STRN4: variants seen among roughly 807,000 people sequenced by gnomAD.
STRN4 encodes striatin-4.
Under a neutral mutation model 77.9 loss-of-function variants are expected in STRN4, and 27 were observed. The ratio of observed to expected loss-of-function variants is 0.35; its 90% confidence interval spans 0.26 to 0.48. STRN4 has a LOEUF of 0.48. Among genes scored for constraint, STRN4 ranks in the 20% least tolerant of loss-of-function variants. STRN4 has a pLI of 0.99. For missense variants in STRN4, 798 were observed against 1,049.7 expected (o/e 0.76, Z 3.31); for synonymous variants, 466 against 443.1 (o/e 1.05, Z -0.65).
In STRN4 at chr19:46,728,677, T is replaced by A; in HGVS notation, c.980A>T (p.Asp327Val). The A allele has an allele frequency of 1.2e-6, 2 of 1,614,048 alleles. 1 individual carries two copies. Among genetic ancestry groups the A allele is most frequent in the Non-Finnish European group, 1.7e-6 (2 of 1,179,960 alleles). Residue 327 changes from aspartate to valine, a missense_variant, in exon 7 of 18, where the codon GAT becomes GTT. Transcript: ENST00000263280. ...NEFDFLGSGE[D>V]GEGAPDPRRC... ...CCGAGGGTCTGGAGCCCCTTCCCCATCCTCTCCTGAGCCCAGGAAATCAAA... is the reference window on the plus strand; with the variant it reads ...CCGAGGGTCTGGAGCCCCTTCCCCAACCTCTCCTGAGCCCAGGAAATCAAA...
intron 5 of STRN4, chr19:46,732,368 A>G (rs2054273178): frequency 6.5e-6 from 1 of 152,710 alleles, no homozygotes; most frequent in Non-Finnish European, 1.5e-5. Flanking sequence ...CAAGGCCCTG[A>G]GTGGCTGACT....
chr19:46,738,126 G>A lies in STRN4; in HGVS notation c.460+38C>T, dbSNP rs1420085519. ...TTCTCCAGAACACTCAGCTTCTGCG[G>A]GAGGGTGCCGACAGTGCGAGCATCA... On this transcript the variant is annotated intron_variant, in intron 3 of 17. Coordinates refer to ENST00000263280, the MANE Select transcript of STRN4 (RefSeq NM_013403.3). This position sits in a 1 kb window ranked among gnomAD's most constrained non-coding sequence, Gnocchi z 4.5. 1 of 1,595,844 alleles carries A rather than the reference G, an allele frequency of 6.3e-7. No individual in the cohort carries two copies. Among genetic ancestry groups the A allele is most frequent in the African/African-American group, 1.3e-5 (1 of 74,514 alleles).
In STRN4 at chr19:46,741,661, C is replaced by T. The variant is rs556259629; in HGVS notation, c.283-2773G>A. ...TCTAGCCAGAGCCGCAGAGCATGCG[C>T]TCCCAAAACCTTCTGATACCTGGCA... On this transcript the variant is annotated intron_variant, in intron 1 of 17. Transcript: ENST00000263280. The surrounding 1 kb of genome is among the most constrained non-coding windows in gnomAD (Gnocchi z 4.9). Among the ~76,000 whole-genome samples the T allele has an allele frequency of 7.2e-5, 11 of 152,328 alleles. No individual in the cohort carries two copies. The South Asian group carries it at 1.5e-3, about 20-fold the overall frequency.
intron 14 of STRN4, 60 bp downstream of exon 14, chr19:46,722,750 A>G (rs1353649636): frequency 1.3e-6 from 2 of 1,596,956 alleles, no homozygotes; most frequent in African/African-American, 2.7e-5. Context: ...AAGCCCCAGG[A>G]GGAAGTGGGG....
At chr19:46,727,824 G>C (rs2054155358) in intron 8 of STRN4, 70 bp downstream of exon 8, 2 of 1,379,312 alleles carry the variant, frequency 1.5e-6, no homozygotes, top group East Asian at 2.3e-5. Context: ...CAGAAGCCCT[G>C]GGCTCAGCTC....
Position 46,742,708 on chromosome 19 carries a change from G to A in STRN4, c.282+3441C>T, listed in dbSNP as rs570169194. On this transcript the variant is annotated intron_variant, in intron 1 of 17. Transcript: ENST00000263280. Reference sequence around the variant, plus strand: ...CTCCCGAGTAGCTGGGACTACAGGCGCCCACCACCACGCCCGACTAATTTC... The same window carrying A: ...CTCCCGAGTAGCTGGGACTACAGGCACCCACCACCACGCCCGACTAATTTC... 2.6e-4 allele frequency among the ~76,000 whole-genome samples: 39 copies of A among 152,120 alleles called. No individual in the cohort carries two copies. In the East Asian group the frequency reaches 3.1e-3, roughly 12 times the overall value.
At position 46,728,023 on chromosome 19, in the gene STRN4, A is replaced by G. The variant is rs778824346; in HGVS notation, c.1040-16T>C. On this transcript the variant is annotated splice_polypyrimidine_tract_variant and intron_variant, in intron 7 of 17. Transcript: ENST00000263280. The stretch of plus-strand genomic sequence containing the variant: ...CGACGGCTTTCTGCAGGGTCGAGGC[A>G]TAGGGCCGGAGTCACCCAGCAGTTC... The G allele has an allele frequency of 5.6e-6, 9 of 1,610,756 alleles. No individual in the cohort carries two copies. In the Admixed American group the frequency reaches 1.5e-4, roughly 27 times the overall value.
In STRN4 at chr19:46,723,809, C is replaced by T. The variant is rs947402193; in HGVS notation, c.1595-525G>A. Among the ~76,000 whole-genome samples, 1 of 152,154 alleles carries T rather than the reference C, an allele frequency of 6.6e-6. No homozygotes were observed. The highest frequency in any genetic ancestry group is 1.5e-5 in the Non-Finnish European group (1 of 68,026). On this transcript the variant is annotated intron_variant, in intron 12 of 17. Transcript: ENST00000263280. The surrounding 1 kb of genome is among the most constrained non-coding windows in gnomAD (Gnocchi z 5.5). The stretch of plus-strand genomic sequence containing the variant: ...ACCAGCAGCTCTGGCCTGCTGACAC[C>T]GAAAGTGTGGTGGCTAATGTAGCTG...
Position 46,746,266 on chromosome 19 carries a change from C to A in STRN4, c.165G>T (p.Gly55=). The A allele has an allele frequency of 6.8e-7, 1 of 1,475,660 alleles. No homozygotes were observed. The allele number at this position is 1,475,660 out of a possible 1,614,324, so 91.4% of individuals were successfully genotyped here. ...GKGGGGGGSP[G]PTAGPEPLSL... The stretch of plus-strand genomic sequence containing the variant: ...TCAGGGGCTCCGGGCCCGCCGTGGG[C>A]CCGGGGCTGCCTCCGCCGCCGCCTC... Residue 55 remains glycine (G), a synonymous_variant, in exon 1 of 18, where the codon GGG becomes GGT. Transcript: ENST00000263280.
intron 3 of STRN4, among the ~76,000 whole-genome samples, chr19:46,737,425 T>G (rs1297241825): frequency 6.6e-6 from 1 of 152,224 alleles, no homozygotes; most frequent in Non-Finnish European, 1.5e-5. Flanking sequence ...GACCTGCCCT[T>G]GTGGAACTTC....
chr19:46,736,552 CAAAAA>C (rs777686904), intron 4 of STRN4: 171 of 48,918 alleles, frequency 3.5e-3, no homozygotes, highest in Middle Eastern at 0.023. Flanking sequence ...GCCACTGAGA[CAAAAA>C]AAAAAAAAAA....
intron 11 of STRN4, 85 bp from the exon 12 acceptor site, chr19:46,725,013 T>G: frequency 6.3e-7 from 1 of 1,579,576 alleles, no homozygotes. Context: ...CTACTAGCAT[T>G]CTTCAAGGAT....
chr19:46,730,853 C>T lies in STRN4; in HGVS notation c.758G>A (p.Gly253Asp). 1 of 1,611,684 alleles carries T rather than the reference C, an allele frequency of 6.2e-7. No homozygotes were observed. ...CACTGAGCCGCCCAAGCGCTCTTTG[C>T]CATCTTTGCCTGCCGCGTTCCTGCC... Reference protein sequence around the residue: ...QIKRNAAGKDGKERLGGSVLG... With the variant: ...QIKRNAAGKDDKERLGGSVLG... The change falls in exon 6 of 18, where the codon GGC becomes GAC. Residue 253 changes from glycine (G) to aspartate (D), a missense_variant. Gly to Asp is a moderately conservative substitution (Grantham distance 94). Coordinates refer to ENST00000263280, the MANE Select transcript of STRN4 (RefSeq NM_013403.3).
rs2053953737 is a variant in STRN4 at position 46,720,579 on chromosome 19, G to A, written c.*23C>T. The A allele has an allele frequency of 4.6e-6, 7 of 1,532,976 alleles. No individual in the cohort carries two copies. Among genetic ancestry groups the A allele is most frequent in the Non-Finnish European group, 6.2e-6 (7 of 1,135,524 alleles). The allele number at this position is 1,532,976 out of a possible 1,614,324, so 95.0% of individuals were successfully genotyped here. Reference sequence around the variant, plus strand: ...GCCCTACACCCCAGCCAGCGTGGCGGCCAGGGCAGGGCCAGGTGGGCATCA... The same window carrying A: ...GCCCTACACCCCAGCCAGCGTGGCGACCAGGGCAGGGCCAGGTGGGCATCA... On this transcript the variant is annotated 3_prime_UTR_variant, in exon 17 of 18. Coordinates refer to ENST00000263280, the MANE Select transcript of STRN4 (RefSeq NM_013403.3).
chr19:46,731,036 C>A, intron 5 of STRN4, 163 bp from the exon 6 acceptor site: 1 of 938,718 alleles, frequency 1.1e-6, no homozygotes, highest in Admixed American at 2.8e-5. Flanking sequence ...CAACCCCAGC[C>A]TCTGCCCAAC....
intron 5 of STRN4, 134 bp downstream of exon 5, chr19:46,732,905 C>A (rs934689398): frequency 1.1e-5 from 12 of 1,078,092 alleles, no homozygotes; most frequent in Non-Finnish European, 1.4e-5. Flanking sequence ...GGTTTCAGAA[C>A]AAGGGAGCCC....
chr19:46,719,570 G>A lies in STRN4; in HGVS notation c.*835C>T, dbSNP rs1197074468. The A allele has an allele frequency of 6.6e-6, 1 of 152,652 alleles. No homozygotes were observed. Among genetic ancestry groups the A allele is most frequent in the African/African-American group, 2.4e-5 (1 of 41,414 alleles). 9.5% of individuals were successfully genotyped at this position (152,652 alleles called of 1,614,324 possible). On this transcript the variant is annotated 3_prime_UTR_variant, in exon 18 of 18. Coordinates refer to ENST00000263280, the MANE Select transcript of STRN4 (RefSeq NM_013403.3). ...ATACAAGATGGGGACAGAGGGGTTG[G>A]GGCTTATAAACAGGAACCTGGAAGG...
intron 1 of STRN4, among the ~76,000 whole-genome samples, chr19:46,739,782 G>GC (rs2122378446): frequency 1.3e-5 from 2 of 152,346 alleles, no homozygotes; most frequent in South Asian, 4.1e-4. Flanking sequence ...GCCTCCATTT[G>GC]CCCCTCTAGA....
At chr19:46,725,862 G>A in intron 9 of STRN4, 1 of 629,974 alleles carries the variant, frequency 1.6e-6, no homozygotes, top group Non-Finnish European at 2.7e-6. Context: ...GCTGGGTTCT[G>A]GAGAGACAAA....
Sources: allele counts gnomAD v4.1 joint callset (sites outside exome capture counted in the v4.1 genomes callset), GRCh38; gene constraint gnomAD v4.1.1; non-coding constraint Gnocchi (gnomAD v3.1); transcripts MANE v1.5; gene names NCBI Gene and HGNC (gene_info 2026-07-23, HGNC 2026-07-21).